Variants in PLXNA4 observed in about 807,000 individuals in gnomAD.
The protein encoded by PLXNA4 is plexin A4, also known as plexin-A4.
PLXNA4 carries 44 observed loss-of-function variants against 191.8 expected under a neutral mutation model. The observed-to-expected ratio is 0.23, with a 90% CI of 0.18 to 0.29. The LOEUF is 0.29. Ranked by LOEUF, PLXNA4 falls within the 10% of genes least tolerant of loss-of-function variation. The pLI is 1.00. For missense variants in PLXNA4, 1,800 were observed against 2,488.8 expected (o/e 0.72, Z 5.89); for synonymous variants, 1,082 against 1,009.5 (o/e 1.07, Z -1.36).
chr7:132,167,355 G>A (rs1172777348), intron 22 of PLXNA4, among the ~76,000 whole-genome samples: 2 of 152,260 alleles, frequency 1.3e-5, no homozygotes, highest in African/African-American at 2.4e-5. Flanking sequence ...CCCATTTACA[G>A]CCTACAGCAG....
intron 9 of PLXNA4, among the ~76,000 whole-genome samples, chr7:132,215,063 G>T (rs1797922937): frequency 6.6e-6 from 1 of 152,024 alleles, no homozygotes; most frequent in Admixed American, 6.6e-5. Flanking sequence ...CATCTCCCTT[G>T]CTCCTGCCTC....
intron 3 of PLXNA4, among the ~76,000 whole-genome samples, chr7:132,386,537 C>A (rs1247077601): frequency 6.6e-6 from 1 of 152,122 alleles, no homozygotes; most frequent in Non-Finnish European, 1.5e-5. Context: ...CGAGTAAAAT[C>A]ATGCTTAGTG....
chr7:132,214,543 C>T (rs1797905907), intron 9 of PLXNA4, among the ~76,000 whole-genome samples: 1 of 152,112 alleles, frequency 6.6e-6, no homozygotes. Flanking sequence ...ACTTCCACCA[C>T]CCTGCCCCTT....
At chr7:132,329,176 C>T (rs1193487803) in intron 3 of PLXNA4, among the ~76,000 whole-genome samples, 1 of 152,120 alleles carries the variant, frequency 6.6e-6, no homozygotes, top group Non-Finnish European at 1.5e-5. Flanking sequence ...TTTTTGTCGG[C>T]CCATAACATA....
intron 4 of PLXNA4, among the ~76,000 whole-genome samples, chr7:132,262,555 G>A (rs961508260): frequency 6.6e-6 from 1 of 152,152 alleles, no homozygotes; most frequent in Non-Finnish European, 1.5e-5. Context: ...ACAGACAAAT[G>A]GGGTGAGCCT....
At chr7:132,401,290 T>G (rs945800994) in intron 3 of PLXNA4, among the ~76,000 whole-genome samples, 1 of 152,184 alleles carries the variant, frequency 6.6e-6, no homozygotes, top group Non-Finnish European at 1.5e-5. Context: ...TGCAATTGCA[T>G]GCAAATTCAC....
At chr7:132,484,845 A>T (rs1356427718) in intron 3 of PLXNA4, 1 of 1,614,092 alleles carries the variant, frequency 6.2e-7, no homozygotes, top group Non-Finnish European at 8.5e-7. Flanking sequence ...ACATTTAGGA[A>T]GCAACAAAGC....
intron 3 of PLXNA4, among the ~76,000 whole-genome samples, chr7:132,469,038 T>G (rs1357444560): frequency 7.6e-6 from 1 of 132,352 alleles, no homozygotes; most frequent in African/African-American, 2.9e-5. Context: ...AGCCTCAGTC[T>G]CCACATATCC....
intron 3 of PLXNA4, among the ~76,000 whole-genome samples, chr7:132,375,260 T>A (rs1034590136): frequency 6.7e-6 from 1 of 149,348 alleles, no homozygotes; most frequent in Non-Finnish European, 1.5e-5. Flanking sequence ...GTCATCTTGG[T>A]CCTTCCCCTT....
At chr7:132,261,840 C>T (rs1448502759) in intron 4 of PLXNA4, among the ~76,000 whole-genome samples, 2 of 152,208 alleles carry the variant, frequency 1.3e-5, no homozygotes, top group Admixed American at 6.5e-5. Flanking sequence ...AGTCCTTGTG[C>T]AGTGACCAAC....
intron 20 of PLXNA4, among the ~76,000 whole-genome samples, chr7:132,177,314 G>A (rs972513942): frequency 1.3e-5 from 2 of 152,206 alleles, no homozygotes; most frequent in Non-Finnish European, 2.9e-5. Context: ...TTAGGCCCAT[G>A]AAGGGCCCAG....
At chr7:132,598,898 T>C (rs1802765517) in intron 2 of PLXNA4, among the ~76,000 whole-genome samples, 5 of 152,236 alleles carry the variant, frequency 3.3e-5, no homozygotes, top group South Asian at 2.1e-4. Flanking sequence ...AACCTTATAG[T>C]TTAGTCCTTC....
intron 2 of PLXNA4, among the ~76,000 whole-genome samples, chr7:132,635,922 C>T (rs763007910): frequency 6.6e-6 from 1 of 152,134 alleles, no homozygotes; most frequent in Non-Finnish European, 1.5e-5. Context: ...TATTTATCTG[C>T]AGGCAGCAAA....
intron 1 of PLXNA4, among the ~76,000 whole-genome samples, chr7:132,531,187 CT>C (rs1799603609): frequency 6.6e-6 from 1 of 152,176 alleles, no homozygotes; most frequent in Admixed American, 6.5e-5. Context: ...ATTAATGCCA[CT>C]GAATTTTACG....
At chr7:132,364,477 C>G (rs567328402) in intron 3 of PLXNA4, among the ~76,000 whole-genome samples, 4 of 152,280 alleles carry the variant, frequency 2.6e-5, no homozygotes, top group Admixed American at 1.3e-4. Context: ...GTTGCGCTGC[C>G]TGGATGCAGC....
chr7:132,550,336 G>A (rs1387762674), intron 1 of PLXNA4, among the ~76,000 whole-genome samples: 1 of 152,186 alleles, frequency 6.6e-6, no homozygotes, highest in African/African-American at 2.4e-5. Context: ...TTTTGAAGAA[G>A]TGTTAAGTTA....
intron 30 of PLXNA4, among the ~76,000 whole-genome samples, chr7:132,139,429 A>G (rs1357047451): frequency 6.6e-6 from 1 of 152,216 alleles, no homozygotes; most frequent in Admixed American, 6.5e-5. Context: ...TTACTCTTCA[A>G]AAGGCACCAT....
At chr7:132,533,387 C>G (rs965082850) in intron 1 of PLXNA4, among the ~76,000 whole-genome samples, 10 of 152,068 alleles carry the variant, frequency 6.6e-5, no homozygotes, top group African/African-American at 2.4e-4. Flanking sequence ...GCAAGGCCCC[C>G]AACATGAAAA....
In PLXNA4 at chr7:132,474,819, G is replaced by GT. The variant is rs1385518923; in HGVS notation, c.1371+14472dup. Among the ~76,000 whole-genome samples the GT allele has an allele frequency of 2.0e-5, 3 of 152,254 alleles. No individual in the cohort carries two copies. The East Asian group carries it at 5.8e-4, about 29-fold the overall frequency. On this transcript the variant is annotated intron_variant, in intron 3 of 31. Coordinates refer to ENST00000321063, the MANE Select transcript of PLXNA4 (RefSeq NM_020911.2). ...GTGAGTCTGAAGACTCTTCTTAGAAGTTTTTTAAACACAGAAAGTCTTATG... is the reference window on the plus strand; with the variant it reads ...GTGAGTCTGAAGACTCTTCTTAGAAGTTTTTTTAAACACAGAAAGTCTTATG...
Sources: gnomAD v4.1 joint callset for allele counts (sites outside exome capture counted in the v4.1 genomes callset) on GRCh38, gnomAD v4.1.1 for gene constraint, MANE v1.5 for transcripts, NCBI Gene and HGNC (gene_info 2026-07-23, HGNC 2026-07-21) for gene names.